MYH7: variants seen among roughly 807,000 people sequenced by gnomAD.
MYH7 encodes the protein myosin-7.
MYH7 carries 129 observed loss-of-function variants against 225.4 expected under a neutral mutation model. That is an observed-to-expected ratio of 0.57 (90% confidence interval 0.50 to 0.66). The LOEUF (loss-of-function observed/expected upper bound fraction) is 0.66, where lower values mean the gene tolerates loss of function less well. MYH7 is among the 30% of genes least tolerant of loss of function. The pLI, the probability that MYH7 is intolerant of heterozygous loss-of-function variation, is 0.00. For synonymous variants in MYH7, 971 were observed against 1,007.6 expected (o/e 0.96, Z 0.69); for missense variants, 1,649 against 2,517.0 (o/e 0.66, Z 7.38).
At position 23,433,256 on chromosome 14, in the gene MYH7, G is replaced by A; in HGVS notation, c.202-29C>T. The stretch of plus-strand genomic sequence containing the variant: ...CAAGAGCCCCCACCCAAGCCCTCCT[G>A]TCAGCCTGGGCTTTCCCTCCTTCCT... On this transcript the variant is annotated intron_variant, in intron 3 of 39. Coordinates refer to ENST00000355349, the MANE Select transcript of MYH7 (RefSeq NM_000257.4). This position sits in a 1 kb window ranked among gnomAD's most constrained non-coding sequence, Gnocchi z 4.1. 6.2e-7 allele frequency: 1 copy of A among 1,614,078 alleles called. No homozygotes were observed. The highest frequency in any genetic ancestry group is 8.5e-7 in the Non-Finnish European group (1 of 1,179,986).
chr14:23,417,339 C>G, intron 31 of MYH7, 21 bp from the exon 32 acceptor site: 1 of 1,612,968 alleles, frequency 6.2e-7, no homozygotes, highest in Non-Finnish European at 8.5e-7. Context: ...ACAAGGCTCA[C>G]TCTTCAGCCC....
Position 23,419,241 on chromosome 14 carries a change from C to T in MYH7, c.3908G>A (p.Arg1303Gln), listed in dbSNP as rs727505325. 1 of 1,614,176 alleles carries T rather than the reference C, an allele frequency of 6.2e-7. No individual in the cohort carries two copies. Among genetic ancestry groups the T allele is most frequent in the South Asian group, 1.1e-5 (1 of 91,090 alleles). Residue 1303 changes from arginine (R) to glutamine (Q), a missense_variant, in exon 29 of 40, where the codon CGA (arginine) becomes CAA (glutamine). By Grantham distance (43) the Arg-to-Gln change is conservative (BLOSUM62 1). Coordinates refer to ENST00000355349, the MANE Select transcript of MYH7 (RefSeq NM_000257.4). The stretch of plus-strand genomic sequence containing the variant: ...CTGCTGGGTGTAGGTGAGCTTGCCT[C>T]GGGTCAGCTGGGAGATCAGTGCCTC... ...EKEALISQLT[R>Q]GKLTYTQQLE...
At position 23,420,967 on chromosome 14, in the gene MYH7, C is replaced by T. The variant is rs1595079091; in HGVS notation, c.3327G>A (p.Lys1109=). ...GGTGTCCAGACCTCACCTGAAGCTC[C>T]TTGAGCTTCTTCTGCAGCTGGCTGC... ...ALGSQLQKKL[K]ELQARIEELE... Residue 1109 remains lysine, a synonymous_variant, in exon 26 of 40, where the codon AAG becomes AAA. Transcript: ENST00000355349. 1 of 1,612,088 alleles carries T rather than the reference C, an allele frequency of 6.2e-7. No homozygotes were observed. Among genetic ancestry groups the T allele is most frequent in the East Asian group, 2.2e-5 (1 of 44,874 alleles).
Position 23,423,974 on chromosome 14 carries a change from C to T in MYH7, c.2855G>A (p.Arg952Lys). 2 of 1,614,240 alleles carry T rather than the reference C, an allele frequency of 1.2e-6. No individual in the cohort carries two copies. The highest frequency in any genetic ancestry group is 1.7e-6 in the Non-Finnish European group (2 of 1,180,046). ...KLEDECSELK[R>K]DIDDLELTLA... The stretch of plus-strand genomic sequence containing the variant: ...TGTCAGCTCCAGATCATCGATGTCC[C>T]TTTTGAGCTCTGAGCACTCATCTTC... The change falls in exon 23 of 40, where the codon AGG (arginine) becomes AAG (lysine). Residue 952 changes from arginine (R) to lysine (K), a missense_variant. By Grantham distance (26) the Arg-to-Lys change is conservative. Coordinates refer to ENST00000355349, the MANE Select transcript of MYH7 (RefSeq NM_000257.4).
Position 23,415,058 on chromosome 14 carries a change from G to A in MYH7, c.5496C>T (p.Arg1832=), listed in dbSNP as rs1892129217. 6.2e-7 allele frequency: 1 copy of A among 1,612,978 alleles called. No homozygotes were observed. The highest frequency in any genetic ancestry group is 8.5e-7 in the Non-Finnish European group (1 of 1,180,022). Reference sequence around the variant, plus strand: ...TCATGCCCTTCACCGACTCTGCGTTGCGCTTCTGCTCGGCCTCCAGCTCAT... The same window carrying A: ...TCATGCCCTTCACCGACTCTGCGTTACGCTTCTGCTCGGCCTCCAGCTCAT... ...LENELEAEQK[R]NAESVKGMRK... The change falls in exon 37 of 40, where the codon CGC becomes CGT. Residue 1832 remains arginine, a synonymous_variant. Transcript: ENST00000355349. This position sits in a 1 kb window ranked among gnomAD's most constrained non-coding sequence, Gnocchi z 6.3.
At chr14:23,424,597 C>T (rs1892617327) in intron 22 of MYH7, among the ~76,000 whole-genome samples, 172 bp downstream of exon 22, 1 of 152,224 alleles carries the variant, frequency 6.6e-6, no homozygotes, top group Admixed American at 6.5e-5. Context: ...GCTCTTTTCC[C>T]TCTGCCCTTT....
chr14:23,418,803 A>C (rs1892341834), intron 29 of MYH7, among the ~76,000 whole-genome samples: 1 of 152,162 alleles, frequency 6.6e-6, no homozygotes, highest in Non-Finnish European at 1.5e-5. Context: ...TCATGAGTCC[A>C]GCAAAGTGCT....
chr14:23,428,763 C>T (rs1892800729), intron 14 of MYH7, 93 bp from the exon 15 acceptor site: 41 of 1,598,798 alleles, frequency 2.6e-5, no homozygotes, highest in South Asian at 4.4e-5. Context: ...CCCAGCAGGG[C>T]GTGGCTGGTC....
In MYH7 at chr14:23,418,276, AC is replaced by A; in HGVS notation, c.4102del (p.Val1368TrpfsTer61). 6.2e-7 allele frequency: 1 copy of A among 1,613,378 alleles called. No homozygotes were observed. The highest frequency in any genetic ancestry group is 8.5e-7 in the Non-Finnish European group (1 of 1,180,006). On this transcript the variant is annotated frameshift_variant, in exon 30 of 40. Transcript: ENST00000355349. LOFTEE classifies it high-confidence loss of function. ...QRVLSKANSE[V>X]AQWRTKYETD... The stretch of plus-strand genomic sequence containing the variant: ...CTCATACTTGGTCCTCCACTGGGCC[AC>A]CTCCGAGTTGGCCTTGGAAAGGACG...
intron 6 of MYH7, 136 bp from the exon 7 acceptor site, chr14:23,432,005 A>T: frequency 1.2e-6 from 1 of 863,752 alleles, no homozygotes; most frequent in South Asian, 1.4e-5. Flanking sequence ...TACACCCAAA[A>T]TCCACAACTG....
intron 32 of MYH7, 69 bp downstream of exon 32, chr14:23,417,084 C>T: frequency 6.2e-7 from 1 of 1,614,016 alleles, no homozygotes; most frequent in Non-Finnish European, 8.5e-7. Context: ...CTCTTGGAGC[C>T]CTTGGGTGGC....
rs749627954 is a variant in MYH7, at chr14:23,424,820, C to T, written c.2628G>A (p.Lys876=). The change falls in exon 22 of 40, where the codon AAG becomes AAA. Residue 876 remains lysine (K), a synonymous_variant. Transcript: ENST00000355349. ...TCTTCTCCTGCAGCAGGGACACCAT[C>T]TTCTCCTCCAGCTCCTTGCGGCGAG... ...SEARRKELEE[K]MVSLLQEKND... 10 of 1,614,118 alleles carry T rather than the reference C, an allele frequency of 6.2e-6. No homozygotes were observed. The South Asian group carries it at 1.1e-4, about 18-fold the overall frequency.
Position 23,433,837 on chromosome 14 carries a change from A to T in MYH7, c.-8-97T>A. On this transcript the variant is annotated intron_variant, in intron 2 of 39. Transcript: ENST00000355349. The surrounding 1 kb of genome is among the most constrained non-coding windows in gnomAD (Gnocchi z 4.1). Reference sequence around the variant, plus strand: ...AGTGGGAGCCCCAAAACCTAGCACCATGCTCAAGAGTCAAGAGGAGTTACC... The same window carrying T: ...AGTGGGAGCCCCAAAACCTAGCACCTTGCTCAAGAGTCAAGAGGAGTTACC... The T allele has an allele frequency of 8.1e-7, 1 of 1,227,816 alleles. No individual in the cohort carries two copies. Among genetic ancestry groups the T allele is most frequent in the Non-Finnish European group, 1.2e-6 (1 of 854,124 alleles). 76.1% of individuals were successfully genotyped at this position (1,227,816 alleles called of 1,614,324 possible).
rs149439730 is a variant in MYH7 at position 23,433,084 on chromosome 14, G to A, written c.345C>T (p.Tyr115=). 108 of 1,614,142 alleles carry A rather than the reference G, an allele frequency of 6.7e-5. No individual in the cohort carries two copies. The highest frequency in any genetic ancestry group is 3.8e-4 in the Admixed American group (23 of 60,022). ...LKDRYGSWMI[Y]TYSGLFCVTV... ...ACGTAGGGCCAGGTGCAGCACTCAC[G>A]TAGATCATCCAGGAGCCGTAGCGAT... The change falls in exon 4 of 40, where the codon TAC becomes TAT. Residue 115 remains tyrosine (Y), a splice_region_variant and synonymous_variant. Coordinates refer to ENST00000355349, the MANE Select transcript of MYH7 (RefSeq NM_000257.4). This position sits in a 1 kb window ranked among gnomAD's most constrained non-coding sequence, Gnocchi z 4.1.
Position 23,412,864 on chromosome 14 carries a change from T to A in MYH7, c.5798A>T (p.Asn1933Ile), listed in dbSNP as rs2138633164. The A allele has an allele frequency of 6.2e-7, 1 of 1,614,082 alleles. No homozygotes were observed. The highest frequency in any genetic ancestry group is 8.5e-7 in the Non-Finnish European group (1 of 1,179,986). The change falls in exon 40 of 40, where the codon AAT (asparagine) becomes ATT (isoleucine). Residue 1933 changes from asparagine (N) to isoleucine (I), a missense_variant. Transcript: ENST00000355349. ...CAAGATGTGGCAAAGCTACTCCTCATTCAAGCCCTTTTGAAAGGAAACAAA... is the reference window on the plus strand; with the variant it reads ...CAAGATGTGGCAAAGCTACTCCTCAATCAAGCCCTTTTGAAAGGAAACAAA... ...KSRDIGTKGL[N>I]EE
intron 24 of MYH7, among the ~76,000 whole-genome samples, chr14:23,422,573 CCCTTTCTTTCTTTCTTTCTTTCTCT>C (rs1043236381): frequency 7.2e-6 from 1 of 138,994 alleles, no homozygotes; most frequent in Non-Finnish European, 1.5e-5. Flanking sequence ...TTCTTTCTTT[CCCTTTCTTTCTTTCTTTCTTTCTCT>C]CCTTTCTTTC....
intron 6 of MYH7, 109 bp from the exon 7 acceptor site, chr14:23,431,978 G>A: frequency 2.6e-6 from 3 of 1,151,042 alleles, no homozygotes; most frequent in Non-Finnish European, 2.6e-6. Flanking sequence ...CCCTGGGCAA[G>A]AAGCTGCCAG....
intron 29 of MYH7, among the ~76,000 whole-genome samples, chr14:23,418,636 C>A (rs1434847560): frequency 1.3e-5 from 2 of 152,192 alleles, no homozygotes; most frequent in Non-Finnish European, 2.9e-5. Context: ...CTCCCCACAC[C>A]AGACATGGTC....
rs1408157651 is a variant in MYH7, at chr14:23,425,288, T to G, written c.2417A>C (p.Glu806Ala). The G allele has an allele frequency of 3.1e-6, 5 of 1,614,012 alleles. No individual in the cohort carries two copies. Among genetic ancestry groups the G allele is most frequent in the Non-Finnish European group, 3.4e-6 (4 of 1,180,024 alleles). Reference sequence around the variant, plus strand: ...TCCTCTTGAGATCTCTCACCTACGTTCCAGCAGCTTTTTGTACTCCATTCT... The same window carrying G: ...TCCTCTTGAGATCTCTCACCTACGTGCCAGCAGCTTTTTGTACTCCATTCT... ...LARMEYKKLL[E>A]RRDSLLVIQW... Residue 806 changes from glutamate (E) to alanine (A), a missense_variant, in exon 21 of 40, where the codon GAA (glutamate) becomes GCA (alanine). Physicochemically the swap from Glu to Ala is moderately radical, Grantham distance 107. Transcript: ENST00000355349. This position sits in a 1 kb window ranked among gnomAD's most constrained non-coding sequence, Gnocchi z 4.6.
Sources: gnomAD v4.1 joint callset for allele counts (sites outside exome capture counted in the v4.1 genomes callset) on GRCh38, gnomAD v4.1.1 for gene constraint, Gnocchi (gnomAD v3.1) non-coding constraint, MANE v1.5 for transcripts, NCBI Gene and HGNC (gene_info 2026-07-23, HGNC 2026-07-21) for gene names.